The following PCDH9 variants were observed in gnomAD, a reference collection of about 807,000 sequenced individuals.
The protein encoded by PCDH9 is protocadherin 9.
PCDH9 carries 24 observed loss-of-function variants against 70.6 expected under a neutral mutation model. That is an observed-to-expected ratio of 0.34 (90% confidence interval 0.25 to 0.48). The LOEUF (loss-of-function observed/expected upper bound fraction) is 0.48. Ranked by LOEUF, PCDH9 falls within the 20% of genes least tolerant of loss-of-function variation. The pLI, the probability that PCDH9 is intolerant of heterozygous loss-of-function variation, is 0.99. For missense variants in PCDH9, 1,281 were observed against 1,503.6 expected (o/e 0.85, Z 2.45); for synonymous variants, 562 against 558.5 (o/e 1.01, Z -0.09).
chr13:66,906,890 C>T (rs1566282950), intron 2 of PCDH9, among the ~76,000 whole-genome samples: 1 of 151,978 alleles, frequency 6.6e-6, no homozygotes, highest in South Asian at 2.1e-4. Context: ...AGAGTTGCAG[C>T]ATTTTCTAAA....
At chr13:67,105,350 A>G (rs959898426) in intron 2 of PCDH9, among the ~76,000 whole-genome samples, 8 of 152,180 alleles carry the variant, frequency 5.3e-5, no homozygotes, top group African/African-American at 1.9e-4. Context: ...ATAAAAACAT[A>G]AGGAGCAGGA....
chr13:66,384,270 G>A (rs771919483), intron 4 of PCDH9, among the ~76,000 whole-genome samples: 1 of 152,052 alleles, frequency 6.6e-6, no homozygotes, highest in Non-Finnish European at 1.5e-5. Context: ...GTTCCAGAGA[G>A]TAACCTTAGC....
chr13:66,584,228 A>C (rs1197291098), intron 4 of PCDH9, among the ~76,000 whole-genome samples: 1 of 152,164 alleles, frequency 6.6e-6, no homozygotes, highest in Non-Finnish European at 1.5e-5. Flanking sequence ...GGATACCCTC[A>C]CTTTATGATC....
At chr13:66,429,065 G>GTTTTTTTTTTGTTTTTTTTTTTT (rs1957722279) in intron 4 of PCDH9, among the ~76,000 whole-genome samples, 1 of 151,522 alleles carries the variant, frequency 6.6e-6, no homozygotes, top group African/African-American at 2.4e-5. Context: ...AGCACATGCA[G>GTTTTTTTTTTGTTTTTTTTTTTT]TTTTATATTA....
rs56660850 is a variant in PCDH9 at position 66,559,833 on chromosome 13, T to TACACACAC, written c.3340+71369_3340+71376dup. Among the ~76,000 whole-genome samples the TACACACAC allele has an allele frequency of 1.1e-3, 93 of 87,118 alleles. 2 individuals carry two copies. Among genetic ancestry groups the TACACACAC allele is most frequent in the African/African-American group, 3.0e-3 (71 of 24,016 alleles). The allele number at this position is 87,118 out of a possible 152,430, so 57.2% of individuals were successfully genotyped here. ...AAAAAAAAAAATATATATATATATATACACACACACACACACACACACACA... is the reference window on the plus strand; with the variant it reads ...AAAAAAAAAAATATATATATATATATACACACACACACACACACACACACACACACACA... On this transcript the variant is annotated intron_variant, in intron 4 of 4. Coordinates refer to ENST00000377865, the MANE Select transcript of PCDH9 (RefSeq NM_203487.3).
intron 2 of PCDH9, among the ~76,000 whole-genome samples, chr13:67,182,677 C>T (rs752495963): frequency 1.3e-5 from 2 of 152,134 alleles, no homozygotes; most frequent in Non-Finnish European, 2.9e-5. Context: ...AAAATTTACA[C>T]TGACAGTAAA....
chr13:66,564,057 G>T (rs1566420732), intron 4 of PCDH9, among the ~76,000 whole-genome samples: 1 of 152,078 alleles, frequency 6.6e-6, no homozygotes. Flanking sequence ...AGGCACAATT[G>T]TGGGAGAAAA....
In PCDH9 at chr13:67,227,210, A is replaced by G. The variant is rs768129728; in HGVS notation, c.1231T>C (p.Leu411=). Residue 411 remains leucine, a synonymous_variant, in exon 2 of 5, where the codon TTG becomes CTG. Coordinates refer to ENST00000377865, the MANE Select transcript of PCDH9 (RefSeq NM_203487.3). The surrounding 1 kb of genome is among the most constrained non-coding windows in gnomAD (Gnocchi z 4.6). ...CFIEREVPFH[L]KAVYDNQYLL... ...TATTGGTTGTCATATACCGCCTTCA[A>G]ATGAAATGGGACCTCTCTTTCAATA... The G allele has an allele frequency of 6.2e-6, 10 of 1,613,760 alleles. No homozygotes were observed. Among genetic ancestry groups the G allele is most frequent in the East Asian group, 4.5e-5 (2 of 44,888 alleles).
chr13:66,486,269 C>A (rs1180403765), intron 4 of PCDH9, among the ~76,000 whole-genome samples: 1 of 147,318 alleles, frequency 6.8e-6, no homozygotes, highest in Admixed American at 6.7e-5. Context: ...TGGTGAGACT[C>A]CATCTCTACA....
intron 4 of PCDH9, among the ~76,000 whole-genome samples, chr13:66,481,169 G>A (rs938411680): frequency 6.6e-6 from 1 of 152,076 alleles, no homozygotes; most frequent in Admixed American, 6.6e-5. Flanking sequence ...TGGGGGATTA[G>A]GGGAGGGATA....
At chr13:67,213,547 C>A (rs2089522927) in intron 2 of PCDH9, 2 of 151,930 alleles carry the variant, frequency 1.3e-5, no homozygotes, top group Admixed American at 6.6e-5. Flanking sequence ...TGTAATAACC[C>A]TAAGAGGTCT....
chr13:67,035,008 A>C (rs2084982256), intron 2 of PCDH9, among the ~76,000 whole-genome samples: 1 of 152,106 alleles, frequency 6.6e-6, no homozygotes, highest in South Asian at 2.1e-4. Context: ...TAGCATGTAC[A>C]TGTATATACA....
chr13:67,092,813 A>G (rs983803286), intron 2 of PCDH9, among the ~76,000 whole-genome samples: 9 of 152,180 alleles, frequency 5.9e-5, no homozygotes, highest in Non-Finnish European at 1.2e-4. Context: ...TAGGTTTCTT[A>G]CAGAAAAATA....
intron 4 of PCDH9, among the ~76,000 whole-genome samples, chr13:66,558,478 C>G (rs1035517763): frequency 3.3e-5 from 5 of 151,868 alleles, no homozygotes; most frequent in Non-Finnish European, 7.4e-5. Context: ...CTGGTGAGAT[C>G]CCATTCTCTG....
At chr13:66,747,349 TCAAAACAAAACAAAACAAAA>T (rs60690085) in intron 3 of PCDH9, among the ~76,000 whole-genome samples, 3,704 of 147,326 alleles carry the variant, frequency 0.025, 155 homozygotes, top group African/African-American at 0.086. Flanking sequence ...AGACGCCATC[TCAAAACAAAACAAAACAAAA>T]CAAAACAAAA....
Position 66,485,994 on chromosome 13 carries a change from T to C in PCDH9, c.3340+145216A>G, listed in dbSNP as rs1300712845. Among the ~76,000 whole-genome samples, 6 of 152,196 alleles carry C rather than the reference T, an allele frequency of 3.9e-5. No homozygotes were observed. The South Asian group carries it at 1.2e-3, about 32-fold the overall frequency. ...CCACCTGCCTTGGCCTCTCAAAGTG[T>C]TGGGATTACAGGTGCGAGCCACTGT... On this transcript the variant is annotated intron_variant, in intron 4 of 4. Transcript: ENST00000377865.
chr13:67,051,417 G>C (rs564273175), intron 2 of PCDH9, among the ~76,000 whole-genome samples: 1 of 88,494 alleles, frequency 1.1e-5, no homozygotes, highest in South Asian at 3.8e-4. Context: ...TTTTGAGACA[G>C]AGTCTCATTC....
intron 2 of PCDH9, among the ~76,000 whole-genome samples, chr13:66,924,349 T>C (rs1256737222): frequency 6.6e-6 from 1 of 152,012 alleles, no homozygotes; most frequent in Non-Finnish European, 1.5e-5. Flanking sequence ...TTTTAAAGTA[T>C]TCTTCCTACC....
chr13:66,747,999 T>A (rs899177788), intron 3 of PCDH9, among the ~76,000 whole-genome samples: 1 of 152,132 alleles, frequency 6.6e-6, no homozygotes, highest in Admixed American at 6.5e-5. Context: ...ACAAAAACAT[T>A]TAAGGAAGTA....
Sources: allele counts gnomAD v4.1 joint callset (sites outside exome capture counted in the v4.1 genomes callset), GRCh38; gene constraint gnomAD v4.1.1; non-coding constraint Gnocchi (gnomAD v3.1); transcripts MANE v1.5; gene names NCBI Gene and HGNC (gene_info 2026-07-23, HGNC 2026-07-21).